NUP153: variants seen among roughly 807,000 people sequenced by gnomAD.
NUP153 encodes the protein nuclear pore complex protein Nup153.
A neutral mutation model predicts 134.6 loss-of-function variants in NUP153; 27 were observed. The ratio of observed to expected loss-of-function variants is 0.20; its 90% CI spans 0.15 to 0.28. NUP153 has a LOEUF of 0.28. Among genes scored for constraint, NUP153 ranks in the 10% least tolerant of loss-of-function variants. The probability of loss-of-function intolerance (pLI) is 1.00; values close to 1 mark genes in which losing one functional copy is unlikely to be tolerated. For synonymous variants in NUP153, 640 were observed against 623.5 expected (o/e 1.03, Z -0.40); for missense variants, 1,821 against 1,731.3 (o/e 1.05, Z -0.92).
intron 16 of NUP153, among the ~76,000 whole-genome samples, chr6:17,634,570 G>A (rs927551860): frequency 2.0e-5 from 3 of 152,056 alleles, no homozygotes; most frequent in Non-Finnish European, 4.4e-5. Context: ...CCAAGTAGCT[G>A]GGATTACGGG....
chr6:17,631,723 T>C (rs1765264194), intron 17 of NUP153, among the ~76,000 whole-genome samples: 1 of 151,954 alleles, frequency 6.6e-6, no homozygotes, highest in South Asian at 2.1e-4. Context: ...TCCCAGCACT[T>C]TGGGAGGCCG....
intron 21 of NUP153, 109 bp from the exon 22 acceptor site, chr6:17,616,290 G>GGCCCC: frequency 4.2e-6 from 2 of 473,850 alleles, no homozygotes; most frequent in Non-Finnish European, 7.8e-6. Context: ...GGTGGGGGGG[G>GGCCCC]AGTAGACTCA....
intron 2 of NUP153, among the ~76,000 whole-genome samples, chr6:17,685,471 C>A (rs554754808): frequency 6.6e-6 from 1 of 151,764 alleles, no homozygotes; most frequent in African/African-American, 2.4e-5. Context: ...ATGGTGTGAA[C>A]CCAGGAGGCG....
At position 17,680,827 on chromosome 6, in the gene NUP153, G is replaced by A. The variant is rs146527993; in HGVS notation, c.335-5057C>T. 3.4e-4 allele frequency among the ~76,000 whole-genome samples: 52 copies of A among 152,278 alleles called. No homozygotes were observed. The highest frequency in any genetic ancestry group is 1.2e-3 in the African/African-American group (49 of 41,566). On this transcript the variant is annotated intron_variant, in intron 2 of 21. Coordinates refer to ENST00000262077, the MANE Select transcript of NUP153 (RefSeq NM_005124.4). This position sits in a 1 kb window ranked among gnomAD's most constrained non-coding sequence, Gnocchi z 4.5. The stretch of plus-strand genomic sequence containing the variant: ...AATCCTTGTACACTGTTGTTGGTGG[G>A]AATTATCAATTAGTACAGCCATCAT...
intron 1 of NUP153, among the ~76,000 whole-genome samples, chr6:17,696,292 G>A (rs1229594183): frequency 6.6e-6 from 1 of 152,088 alleles, no homozygotes; most frequent in African/African-American, 2.4e-5. Flanking sequence ...GAGGAAAAAC[G>A]GTTTTCTTAT....
At chr6:17,653,829 G>T (rs867787859) in intron 11 of NUP153, among the ~76,000 whole-genome samples, 2 of 152,154 alleles carry the variant, frequency 1.3e-5, no homozygotes, top group African/African-American at 4.8e-5. Flanking sequence ...ACAGATGTAA[G>T]CATTTGTCAA....
chr6:17,632,846 T>TGAAAA lies in NUP153; in HGVS notation c.2465-3_2465-2insTTTTC. On this transcript the variant is annotated splice_polypyrimidine_tract_variant and splice_region_variant and intron_variant, in intron 16 of 21. Transcript: ENST00000262077. ...TACTTGAAGCAGGTACTGAACTTCCTAAAAAAAAAAAAAAAAACGGGGAGT... is the reference window on the plus strand; with the variant it reads ...TACTTGAAGCAGGTACTGAACTTCCTGAAAAAAAAAAAAAAAAAAAAACGGGGAGT... 2.3e-6 allele frequency: 2 copies of TGAAAA among 864,578 alleles called. No homozygotes were observed. The highest frequency in any genetic ancestry group is 3.4e-5 in the East Asian group (1 of 29,300). 53.6% of individuals were successfully genotyped at this position (864,578 alleles called of 1,614,324 possible). A position where few individuals can be genotyped will look rare whatever the true frequency, so the allele number is the denominator to read the frequency against.
At chr6:17,700,892 C>A (rs1020406432) in intron 1 of NUP153, among the ~76,000 whole-genome samples, 2 of 152,184 alleles carry the variant, frequency 1.3e-5, no homozygotes, top group Admixed American at 1.3e-4. Context: ...TTTACTGACC[C>A]CTGATCTAAG....
intron 13 of NUP153, among the ~76,000 whole-genome samples, chr6:17,646,885 G>A (rs1284927937): frequency 1.3e-5 from 2 of 149,852 alleles, no homozygotes; most frequent in African/African-American, 2.5e-5. Context: ...GATTATAGGC[G>A]TGCACCACCA....
chr6:17,644,738 T>C (rs1306413161), intron 14 of NUP153, among the ~76,000 whole-genome samples: 1 of 151,368 alleles, frequency 6.6e-6, no homozygotes, highest in African/African-American at 2.4e-5. Flanking sequence ...AGGACAGGAG[T>C]TCCTGACCAG....
intron 9 of NUP153, among the ~76,000 whole-genome samples, chr6:17,662,842 A>G (rs1209162413): frequency 6.6e-6 from 1 of 152,162 alleles, no homozygotes; most frequent in Non-Finnish European, 1.5e-5. Flanking sequence ...GAAACATCAG[A>G]CAATCATAAA....
intron 11 of NUP153, among the ~76,000 whole-genome samples, chr6:17,659,819 G>A (rs946646386): frequency 8.5e-5 from 13 of 152,108 alleles, no homozygotes; most frequent in Non-Finnish European, 1.6e-4. Context: ...AATGACAAAA[G>A]AAAATTGGTT....
chr6:17,683,505 G>C (rs1478164162), intron 2 of NUP153, among the ~76,000 whole-genome samples: 1 of 152,130 alleles, frequency 6.6e-6, no homozygotes, highest in Admixed American at 6.6e-5. Flanking sequence ...GTGTTGTTTT[G>C]CAAAGAATCT....
intron 5 of NUP153, 58 bp downstream of exon 5, chr6:17,674,847 A>G (rs1768119990): frequency 2.4e-6 from 3 of 1,274,542 alleles, no homozygotes; most frequent in Non-Finnish European, 2.1e-6. Flanking sequence ...TTTATTATCC[A>G]GTTAAAGTGT....
chr6:17,685,902 C>T (rs1210226793), intron 2 of NUP153, among the ~76,000 whole-genome samples: 3 of 151,938 alleles, frequency 2.0e-5, no homozygotes, highest in Non-Finnish European at 4.4e-5. Context: ...AATCTCAGCA[C>T]TTTGGGAGGC....
At chr6:17,616,203 T>A in intron 21 of NUP153, 22 bp from the exon 22 acceptor site, 1 of 1,514,232 alleles carries the variant, frequency 6.6e-7, no homozygotes. Flanking sequence ...AAAAACTTCA[T>A]AATGTGACAT....
intron 14 of NUP153, among the ~76,000 whole-genome samples, chr6:17,645,261 G>C (rs1024403584): frequency 2.1e-5 from 3 of 144,256 alleles, no homozygotes; most frequent in African/African-American, 7.8e-5. Flanking sequence ...AAAAAAAAAA[G>C]AATTCTATGT....
chr6:17,686,814 C>T (rs1219920486), intron 2 of NUP153, among the ~76,000 whole-genome samples: 2 of 144,460 alleles, frequency 1.4e-5, no homozygotes, highest in Non-Finnish European at 3.0e-5. Context: ...GGGAAATAGG[C>T]GTGCGAATAG....
rs1165200729 is a variant in NUP153 at position 17,632,643 on chromosome 6, G to A, written c.2659+7C>T. 6.4e-7 allele frequency: 1 copy of A among 1,573,122 alleles called. No individual in the cohort carries two copies. Among genetic ancestry groups the A allele is most frequent in the South Asian group, 1.2e-5 (1 of 84,526 alleles). On this transcript the variant is annotated splice_region_variant and intron_variant, in intron 17 of 21. Coordinates refer to ENST00000262077, the MANE Select transcript of NUP153 (RefSeq NM_005124.4). Reference sequence around the variant, plus strand: ...CATCACCTTTATTTTTATTTTTTTGGCCTTACCTTTAAACCCAGATTTTGT... The same window carrying A: ...CATCACCTTTATTTTTATTTTTTTGACCTTACCTTTAAACCCAGATTTTGT...
Sources: allele counts gnomAD v4.1 joint callset (sites outside exome capture counted in the v4.1 genomes callset), GRCh38; gene constraint gnomAD v4.1.1; non-coding constraint Gnocchi (gnomAD v3.1); transcripts MANE v1.5; gene names NCBI Gene and HGNC (gene_info 2026-07-23, HGNC 2026-07-21).